The following PALS2 variants were observed in gnomAD, a reference collection of about 807,000 sequenced individuals.
The protein encoded by PALS2 is protein associated with LIN7 2, MAGUK p55 family member.
In PALS2, 27 loss-of-function variants were observed where a neutral mutation model predicts 61.6. The observed-to-expected ratio is 0.44, with a 90% CI of 0.32 to 0.60. PALS2 has a LOEUF of 0.60. PALS2 is among the 20% of genes least tolerant of loss of function. PALS2 has a pLI of 0.05. For synonymous variants in PALS2, 236 were observed against 218.6 expected (o/e 1.08, Z -0.70); for missense variants, 554 against 639.4 (o/e 0.87, Z 1.44).
intron 3 of PALS2, among the ~76,000 whole-genome samples, chr7:24,645,849 G>A (rs1785805551): frequency 6.6e-6 from 1 of 152,074 alleles, no homozygotes; most frequent in Non-Finnish European, 1.5e-5. Context: ...GGTTAGCTAT[G>A]TTCCTAGGTA....
intron 3 of PALS2, among the ~76,000 whole-genome samples, chr7:24,647,125 G>C (rs1451603575): frequency 6.7e-6 from 1 of 149,280 alleles, no homozygotes; most frequent in African/African-American, 2.5e-5. Context: ...TGTTGTTGTT[G>C]TTGTTGTTTT....
chr7:24,573,639 C>T lies in PALS2; in HGVS notation c.-3+46C>T. The T allele has an allele frequency of 6.7e-6, 2 of 297,486 alleles. No individual in the cohort carries two copies. The highest frequency in any genetic ancestry group is 1.2e-5 in the Non-Finnish European group (2 of 161,748). The allele number at this position is 297,486 out of a possible 1,614,324, so 18.4% of individuals were successfully genotyped here. On this transcript the variant is annotated intron_variant, in intron 1 of 11. Coordinates refer to ENST00000222644, the MANE Select transcript of PALS2 (RefSeq NM_001303037.2). The surrounding 1 kb of genome is among the most constrained non-coding windows in gnomAD (Gnocchi z 5.3). ...CGCCGCTCGGGTAACGGTCGCGCCG[C>T]GCGCCGGGCCGGCCGGGGGCGCCCT...
intron 9 of PALS2, among the ~76,000 whole-genome samples, chr7:24,673,150 G>A (rs1787387051): frequency 6.6e-6 from 1 of 151,916 alleles, no homozygotes; most frequent in Admixed American, 6.6e-5. Flanking sequence ...CTTTGTTAAT[G>A]GTTCATATGA....
rs142149525 is a variant in PALS2 at position 24,687,601 on chromosome 7, G to C, written c.1610G>C (p.Ser537Thr). ...ATGGAACCACAGTGGGTCCCAATCAGCTGGGTTTACTGATGATTCAGTAAG... is the reference window on the plus strand; with the variant it reads ...ATGGAACCACAGTGGGTCCCAATCACCTGGGTTTACTGATGATTCAGTAAG... Reference protein sequence around the residue: ...LRMEPQWVPISWVY With the variant: ...LRMEPQWVPITWVY Residue 537 changes from serine to threonine, a missense_variant, in exon 12 of 12, where the codon AGC (serine) becomes ACC (threonine). Coordinates refer to ENST00000222644, the MANE Select transcript of PALS2 (RefSeq NM_001303037.2). The surrounding 1 kb of genome is among the most constrained non-coding windows in gnomAD (Gnocchi z 4.5). 1.9e-6 allele frequency: 3 copies of C among 1,605,800 alleles called. No homozygotes were observed. Among genetic ancestry groups the C allele is most frequent in the East Asian group, 2.2e-5 (1 of 44,604 alleles).
At chr7:24,621,973 A>G (rs1400194679) in intron 1 of PALS2, among the ~76,000 whole-genome samples, 1 of 152,074 alleles carries the variant, frequency 6.6e-6, no homozygotes, top group African/African-American at 2.4e-5. Context: ...GCACATTGTC[A>G]GAATCAATTG....
In PALS2 at chr7:24,668,643, T is replaced by G. The variant is rs886565920; in HGVS notation, c.1097T>G (p.Phe366Cys). The change falls in exon 9 of 12, where the codon TTT (phenylalanine) becomes TGT (cysteine). Residue 366 changes from phenylalanine to cysteine, a missense_variant. Coordinates refer to ENST00000222644, the MANE Select transcript of PALS2 (RefSeq NM_001303037.2). ...TTCATAGTATTGAATCCCACTAGATTTGGAACTACGGTGCCATGTAAGTTT... is the reference window on the plus strand; with the variant it reads ...TTCATAGTATTGAATCCCACTAGATGTGGAACTACGGTGCCATGTAAGTTT... The part of the protein sequence containing the change: ...NRFIVLNPTR[F>C]GTTVPFTSRK... 2.5e-6 allele frequency: 4 copies of G among 1,613,862 alleles called. No individual in the cohort carries two copies. Among genetic ancestry groups the G allele is most frequent in the Non-Finnish European group, 8.5e-7 (1 of 1,179,878 alleles).
At chr7:24,628,987 C>G (rs1180492246) in intron 2 of PALS2, among the ~76,000 whole-genome samples, 1 of 152,122 alleles carries the variant, frequency 6.6e-6, no homozygotes, top group Non-Finnish European at 1.5e-5. Flanking sequence ...TTAGAAAAAA[C>G]TACTTTAAAT....
intron 2 of PALS2, among the ~76,000 whole-genome samples, chr7:24,633,134 A>G (rs1583909858): frequency 6.6e-6 from 1 of 152,144 alleles, no homozygotes; most frequent in East Asian, 1.9e-4. Flanking sequence ...AAAATAAAAG[A>G]TTTTATTTTA....
chr7:24,622,619 G>A (rs2128057029), intron 1 of PALS2, among the ~76,000 whole-genome samples: 1 of 151,034 alleles, frequency 6.6e-6, no homozygotes, highest in South Asian at 2.1e-4. Context: ...CATATGATCT[G>A]CAAATATAAA....
intron 1 of PALS2, among the ~76,000 whole-genome samples, chr7:24,607,264 T>C (rs1783934539): frequency 6.6e-6 from 1 of 152,112 alleles, no homozygotes; most frequent in African/African-American, 2.4e-5. Context: ...TCCTCAGCAT[T>C]TATACTGGAG....
At chr7:24,613,452 CT>C (rs1367944390) in intron 1 of PALS2, among the ~76,000 whole-genome samples, 1 of 151,508 alleles carries the variant, frequency 6.6e-6, no homozygotes, top group African/African-American at 2.4e-5. Flanking sequence ...TGTGTCTTGC[CT>C]TTTTTTAATT....
chr7:24,589,347 G>T (rs1275573111), intron 1 of PALS2: 1 of 152,064 alleles, frequency 6.6e-6, no homozygotes, highest in Non-Finnish European at 1.5e-5. Context: ...CCCCACCACT[G>T]CAACTCTATA....
At chr7:24,648,400 C>T (rs1165236016) in intron 3 of PALS2, among the ~76,000 whole-genome samples, 6 of 147,686 alleles carry the variant, frequency 4.1e-5, no homozygotes, top group African/African-American at 7.5e-5. Context: ...TCAAGCAGTT[C>T]TCCTGCCTCA....
chr7:24,626,132 CAT>C (rs764140959), intron 2 of PALS2, among the ~76,000 whole-genome samples: 5 of 151,908 alleles, frequency 3.3e-5, no homozygotes, highest in African/African-American at 4.8e-5. Context: ...GGGAAAAAAA[CAT>C]GTAAAATATT....
At chr7:24,686,860 A>G (rs1298135134) in intron 11 of PALS2, among the ~76,000 whole-genome samples, 1 of 152,252 alleles carries the variant, frequency 6.6e-6, no homozygotes. Context: ...TTCCAAAATG[A>G]CTAAAATTAC....
chr7:24,665,175 G>A (rs970566354), intron 6 of PALS2, among the ~76,000 whole-genome samples: 1 of 152,210 alleles, frequency 6.6e-6, no homozygotes, highest in Admixed American at 6.5e-5. Flanking sequence ...ATTCCACATA[G>A]TATCTCCTTT....
At chr7:24,626,932 C>T (rs1349842785) in intron 2 of PALS2, among the ~76,000 whole-genome samples, 1 of 152,150 alleles carries the variant, frequency 6.6e-6, no homozygotes, top group Non-Finnish European at 1.5e-5. Flanking sequence ...GAGATTTTAA[C>T]ACCCCACCGT....
At chr7:24,635,285 C>G (rs1050571161) in intron 2 of PALS2, among the ~76,000 whole-genome samples, 1 of 152,002 alleles carries the variant, frequency 6.6e-6, no homozygotes, top group Admixed American at 6.6e-5. Context: ...AGTTATACTC[C>G]TAGGTATTTT....
intron 9 of PALS2, among the ~76,000 whole-genome samples, chr7:24,675,524 AG>A (rs371975881): frequency 1.4e-5 from 2 of 142,006 alleles, no homozygotes; most frequent in African/African-American, 5.3e-5. Context: ...TATATCTCCC[AG>A]TGCTATCCCT....
Sources: gnomAD v4.1 joint callset for allele counts (sites outside exome capture counted in the v4.1 genomes callset) on GRCh38, gnomAD v4.1.1 for gene constraint, Gnocchi (gnomAD v3.1) non-coding constraint, MANE v1.5 for transcripts, NCBI Gene and HGNC (gene_info 2026-07-23, HGNC 2026-07-21) for gene names.